The following CSMD1 variants were observed in gnomAD, a reference collection of about 807,000 sequenced individuals.
CSMD1 encodes the protein CUB and Sushi multiple domains 1, also known as CUB and sushi domain-containing protein 1.
CSMD1 carries 213 observed loss-of-function variants against 417.5 expected under a neutral mutation model. The ratio of observed to expected loss-of-function variants is 0.51; its 90% CI spans 0.46 to 0.57. The LOEUF is 0.57. CSMD1 is among the 20% of genes least tolerant of loss of function. The pLI is 0.00. For synonymous variants in CSMD1, 2,862 were observed against 1,736.8 expected, an observed-to-expected ratio of 1.65 and a Z score of -16.11; for missense variants, 6,923 against 4,529.7, an observed-to-expected ratio of 1.53 and a Z score of -15.17.
At chr8:3,586,057 T>G in intron 9 of CSMD1, 79 bp downstream of exon 9, 3 of 1,428,972 alleles carry the variant, frequency 2.1e-6, no homozygotes, top group Non-Finnish European at 2.9e-6. Flanking sequence ...CAATGCTTCA[T>G]GCTTAAATTG....
At chr8:3,209,151 C>T (rs996209334) in intron 30 of CSMD1, among the ~76,000 whole-genome samples, 6 of 152,066 alleles carry the variant, frequency 3.9e-5, no homozygotes, top group Admixed American at 3.3e-4. Flanking sequence ...TCTTTTACTA[C>T]CTTGATAAAT....
intron 12 of CSMD1, among the ~76,000 whole-genome samples, chr8:3,415,846 T>C (rs571791795): frequency 6.6e-6 from 1 of 152,350 alleles, no homozygotes; most frequent in African/African-American, 2.4e-5. Flanking sequence ...AAAATGGATC[T>C]ATGTTGTTTA....
At chr8:4,268,184 T>C (rs1425848593) in intron 3 of CSMD1, among the ~76,000 whole-genome samples, 1 of 152,176 alleles carries the variant, frequency 6.6e-6, no homozygotes, top group Non-Finnish European at 1.5e-5. Context: ...GGACTCTGTA[T>C]CAACTCACCA....
At chr8:3,463,265 C>A (rs576701412) in intron 12 of CSMD1, among the ~76,000 whole-genome samples, 1 of 152,216 alleles carries the variant, frequency 6.6e-6, no homozygotes, top group Non-Finnish European at 1.5e-5. Context: ...CTCCCAATAC[C>A]TCCTGCTACA....
intron 7 of CSMD1, among the ~76,000 whole-genome samples, chr8:3,635,142 G>C (rs1469975761): frequency 2.0e-5 from 3 of 152,096 alleles, no homozygotes; most frequent in African/African-American, 4.8e-5. Flanking sequence ...AGTGGACGGT[G>C]AGTGCGTGTG....
intron 1 of CSMD1, among the ~76,000 whole-genome samples, chr8:4,816,285 A>G (rs1799204121): frequency 1.3e-5 from 2 of 152,162 alleles, no homozygotes; most frequent in South Asian, 4.2e-4. Context: ...CCTGGGTTCA[A>G]GGGATTCTCC....
chr8:3,248,918 C>A (rs2117018925), intron 26 of CSMD1, among the ~76,000 whole-genome samples: 1 of 152,130 alleles, frequency 6.6e-6, no homozygotes, highest in Middle Eastern at 3.4e-3. Context: ...TTAGAGGCTC[C>A]CTGACCTTTT....
At chr8:4,232,101 G>A (rs1290535075) in intron 3 of CSMD1, among the ~76,000 whole-genome samples, 2 of 152,098 alleles carry the variant, frequency 1.3e-5, no homozygotes, top group African/African-American at 2.4e-5. Context: ...TCACATTCAT[G>A]CTTCTGATAC....
intron 3 of CSMD1, among the ~76,000 whole-genome samples, chr8:4,336,613 G>A (rs187741150): frequency 6.6e-6 from 1 of 152,284 alleles, no homozygotes; most frequent in Non-Finnish European, 1.5e-5. Flanking sequence ...AAGTGCATTT[G>A]TTGTGTTGCA....
At chr8:3,709,856 T>C (rs1585113363) in intron 6 of CSMD1, among the ~76,000 whole-genome samples, 1 of 151,180 alleles carries the variant, frequency 6.6e-6, no homozygotes. Context: ...TGTACGTGTG[T>C]GTGTGTGTGT....
intron 1 of CSMD1, among the ~76,000 whole-genome samples, chr8:4,890,252 G>A (rs1211342960): frequency 6.6e-6 from 1 of 152,140 alleles, no homozygotes; most frequent in Non-Finnish European, 1.5e-5. Flanking sequence ...GCACGATAGA[G>A]TGGAGTGAAT....
At chr8:4,351,176 A>G (rs927120186) in intron 3 of CSMD1, among the ~76,000 whole-genome samples, 2 of 152,144 alleles carry the variant, frequency 1.3e-5, no homozygotes, top group Admixed American at 6.5e-5. Flanking sequence ...AATTAGGGAA[A>G]GAACAAATGA....
chr8:4,895,814 A>T (rs540211535), intron 1 of CSMD1, among the ~76,000 whole-genome samples: 8 of 151,838 alleles, frequency 5.3e-5, no homozygotes, highest in Non-Finnish European at 1.2e-4. Context: ...CTGCTCCTAA[A>T]TCCCCTAAAA....
chr8:4,381,672 T>C (rs1451247697), intron 3 of CSMD1, among the ~76,000 whole-genome samples: 1 of 152,128 alleles, frequency 6.6e-6, no homozygotes, highest in African/African-American at 2.4e-5. Context: ...TTCCCCAGTG[T>C]TGTGTGGGAG....
At chr8:3,794,902 T>A (rs1799957284) in intron 5 of CSMD1, among the ~76,000 whole-genome samples, 2 of 151,936 alleles carry the variant, frequency 1.3e-5, no homozygotes, top group African/African-American at 4.8e-5. Flanking sequence ...TCTGTAATGG[T>A]TTCCTACCCA....
chr8:3,502,762 T>C (rs1326518705), intron 10 of CSMD1, among the ~76,000 whole-genome samples: 2 of 152,202 alleles, frequency 1.3e-5, no homozygotes, highest in African/African-American at 4.8e-5. Flanking sequence ...TGAAACTCTC[T>C]GTGTGATGTT....
intron 1 of CSMD1, among the ~76,000 whole-genome samples, chr8:4,784,778 T>C (rs1797315071): frequency 6.6e-6 from 1 of 152,202 alleles, no homozygotes; most frequent in Admixed American, 6.5e-5. Context: ...CAATTCTCTC[T>C]TCATATAACA....
At chr8:4,156,141 A>C (rs1408889203) in intron 3 of CSMD1, among the ~76,000 whole-genome samples, 1 of 152,150 alleles carries the variant, frequency 6.6e-6, no homozygotes, top group Non-Finnish European at 1.5e-5. Flanking sequence ...CCTCTGCCTC[A>C]CACCACCCAG....
intron 4 of CSMD1, among the ~76,000 whole-genome samples, chr8:4,000,235 C>CT (rs1157048984): frequency 6.6e-6 from 1 of 151,876 alleles, no homozygotes; most frequent in Non-Finnish European, 1.5e-5. Flanking sequence ...CTCCTGCCCC[C>CT]CGCCCTCCGT....
Sources: gnomAD v4.1 joint callset for allele counts (sites outside exome capture counted in the v4.1 genomes callset) on GRCh38, gnomAD v4.1.1 for gene constraint, MANE v1.5 for transcripts, NCBI Gene and HGNC (gene_info 2026-07-23, HGNC 2026-07-21) for gene names.